Variants in ECD observed in about 807,000 individuals in gnomAD.
ECD encodes the protein ecdysoneless cell cycle regulator.
In ECD, 59 loss-of-function variants were observed where a neutral mutation model predicts 77.2. The observed-to-expected ratio is 0.76, with a 90% confidence interval of 0.62 to 0.95. The LOEUF (loss-of-function observed/expected upper bound fraction) is 0.95, where lower values mean the gene tolerates loss of function less well. ECD is among the 40% of genes least tolerant of loss of function. The pLI is 0.00. For synonymous variants in ECD, 233 were observed against 267.4 expected (o/e 0.87, Z 1.26); for missense variants, 704 against 763.4 (o/e 0.92, Z 0.92).
intron 5 of ECD, among the ~76,000 whole-genome samples, chr10:73,154,996 T>C (rs764119916): frequency 8.5e-5 from 13 of 152,212 alleles, no homozygotes; most frequent in African/African-American, 1.7e-4. Flanking sequence ...TCAGAGTTTA[T>C]TCTTCTAAAA....
At position 73,163,962 on chromosome 10, in the gene ECD, GT is replaced by G. The variant is rs770552298; in HGVS notation, c.-13-13del. ...TTCTTCTTTGAAAACTATGTTTAAA[GT>G]TCCAAAATATAAACCACATAGAACA... On this transcript the variant is annotated splice_polypyrimidine_tract_variant and intron_variant, in intron 1 of 13. Transcript: ENST00000372979. 1 of 1,609,458 alleles carries G rather than the reference GT, an allele frequency of 6.2e-7. No individual in the cohort carries two copies. Among genetic ancestry groups the G allele is most frequent in the Non-Finnish European group, 8.5e-7 (1 of 1,176,376 alleles).
Position 73,163,882 on chromosome 10 carries a change from A to C in ECD, c.56T>G (p.Phe19Cys). Residue 19 changes from phenylalanine to cysteine, a missense_variant, in exon 2 of 14, where the codon TTC (phenylalanine) becomes TGC (cysteine). Physicochemically the swap from Phe to Cys is radical, Grantham distance 205. Coordinates refer to ENST00000372979, the MANE Select transcript of ECD (RefSeq NM_007265.3). ...GTCCCTTGACTCATCTGGTATCAGG[A>C]ACAGGCAGTACTCCACTGTGTCTTC... ...TMEDTVEYCLFLIPDESRDSD... is the reference protein window; with the variant it reads ...TMEDTVEYCLCLIPDESRDSD... 6.2e-7 allele frequency: 1 copy of C among 1,614,204 alleles called. No homozygotes were observed. The highest frequency in any genetic ancestry group is 8.5e-7 in the Non-Finnish European group (1 of 1,180,028).
chr10:73,138,201 T>A, intron 11 of ECD, 131 bp from the exon 12 acceptor site: 2 of 641,296 alleles, frequency 3.1e-6, no homozygotes, highest in South Asian at 3.5e-5. Flanking sequence ...AGAAAAGTTG[T>A]AGTTTAAGTT....
intron 7 of ECD, among the ~76,000 whole-genome samples, chr10:73,150,907 A>G (rs1172078176): frequency 6.6e-6 from 1 of 152,150 alleles, no homozygotes; most frequent in Non-Finnish European, 1.5e-5. Flanking sequence ...GAGAAATAGG[A>G]ACACTTTTAC....
rs2133259958 is a variant in ECD, at chr10:73,149,856, T to G, written c.913-1452A>C. Among the ~76,000 whole-genome samples, 2 of 152,298 alleles carry G rather than the reference T, an allele frequency of 1.3e-5. 1 individual carries two copies. Among genetic ancestry groups the G allele is most frequent in the South Asian group, 4.1e-4 (2 of 4,824 alleles). ...TCTGTATATATTCTCAACAACCCAG[T>G]ATGTATTATCAAGCCGTTTGATACT... On this transcript the variant is annotated intron_variant, in intron 7 of 13. Coordinates refer to ENST00000372979, the MANE Select transcript of ECD (RefSeq NM_007265.3).
intron 9 of ECD, among the ~76,000 whole-genome samples, chr10:73,144,553 G>A (rs904653176): frequency 9.2e-5 from 14 of 152,210 alleles, no homozygotes; most frequent in South Asian, 4.1e-4. Context: ...AGCAGAGAGC[G>A]GGGGGAAAAG....
Position 73,154,384 on chromosome 10 carries a change from C to T in ECD, c.655G>A (p.Ala219Thr), listed in dbSNP as rs774282516. 1 of 1,613,960 alleles carries T rather than the reference C, an allele frequency of 6.2e-7. No homozygotes were observed. Among genetic ancestry groups the T allele is most frequent in the South Asian group, 1.1e-5 (1 of 91,066 alleles). Residue 219 changes from alanine (A) to threonine (T), a missense_variant, in exon 6 of 14, where the codon GCA (alanine) becomes ACA (threonine). By Grantham distance (58) the Ala-to-Thr change is moderately conservative. This residue lies in a region of ECD where 559 missense variants were observed against 583.7 expected (regional missense o/e 0.96). Coordinates refer to ENST00000372979, the MANE Select transcript of ECD (RefSeq NM_007265.3). ...AATCTGGGGCGCTGCTTTAGCACTG[C>T]CACAATGCCAGCTGGAAGGAAGCAG... is the stretch of plus-strand genomic sequence containing the variant. ...AHCFLPAGIV[A>T]VLKQRPRLVA...
chr10:73,160,055 T>C (rs981814715), intron 3 of ECD, among the ~76,000 whole-genome samples: 3 of 150,954 alleles, frequency 2.0e-5, no homozygotes, highest in African/African-American at 7.3e-5. Context: ...GAGGCCAAGG[T>C]GGGTGGATCA....
rs977456190 is a variant in ECD, at chr10:73,160,378, A to T, written c.323+56T>A. 1.9e-5 allele frequency: 22 copies of T among 1,161,086 alleles called. 1 individual carries two copies. The highest frequency in any genetic ancestry group is 2.3e-4 in the Middle Eastern group (1 of 4,270). The allele number at this position is 1,161,086 out of a possible 1,614,324, so 71.9% of individuals were successfully genotyped here. Reference sequence around the variant, plus strand: ...TAAATTACTAAATAGATAAAAATGTAGTCACTTTGTTTCAGTAATAGAATT... The same window carrying T: ...TAAATTACTAAATAGATAAAAATGTTGTCACTTTGTTTCAGTAATAGAATT... On this transcript the variant is annotated intron_variant, in intron 3 of 13. Transcript: ENST00000372979.
In ECD at chr10:73,156,665, G is replaced by A. The variant is rs1340919701; in HGVS notation, c.324-10C>T. ...ATCATTGTCTTCAATCCTAATGCAA[G>A]AAAATTTCCAATTTTGCATTCAAAA... is the stretch of plus-strand genomic sequence containing the variant. On this transcript the variant is annotated splice_polypyrimidine_tract_variant and intron_variant, in intron 3 of 13. Coordinates refer to ENST00000372979, the MANE Select transcript of ECD (RefSeq NM_007265.3). The A allele has an allele frequency of 6.2e-7, 1 of 1,611,806 alleles. No homozygotes were observed. The highest frequency in any genetic ancestry group is 1.7e-5 in the Admixed American group (1 of 59,872).
chr10:73,165,703 C>T (rs955092316), intron 1 of ECD, among the ~76,000 whole-genome samples: 7 of 151,748 alleles, frequency 4.6e-5, no homozygotes, highest in Non-Finnish European at 1.0e-4. Context: ...GTATACAATG[C>T]ATAATAAGCA....
Position 73,154,342 on chromosome 10 carries a change from G to T in ECD, c.697C>A (p.Gln233Lys), listed in dbSNP as rs750770644. Reference sequence around the variant, plus strand: ...ATAGGGTCTCGTAGGTAAAATGCCTGGACTGCTGCAGCCACCAATCTGGGG... The same window carrying T: ...ATAGGGTCTCGTAGGTAAAATGCCTTGACTGCTGCAGCCACCAATCTGGGG... ...QRPRLVAAAV[Q>K]AFYLRDPIDL... Residue 233 changes from glutamine to lysine, a missense_variant, in exon 6 of 14, where the codon CAG becomes AAG. This residue lies in a region of ECD where 559 missense variants were observed against 583.7 expected (regional missense o/e 0.96). Transcript: ENST00000372979. 6.2e-6 allele frequency: 10 copies of T among 1,613,974 alleles called. No individual in the cohort carries two copies. In the Middle Eastern group the frequency reaches 4.9e-4, roughly 80 times the overall value.
At position 73,151,277 on chromosome 10, in the gene ECD, C is replaced by CA. The variant is rs1233817579; in HGVS notation, c.912+1015dup. On this transcript the variant is annotated intron_variant, in intron 7 of 13. Transcript: ENST00000372979. Reference sequence around the variant, plus strand: ...CACTCTCAGCAAACTATTGCAAGGACAAAAAACCAAACACCGCATGTTCTC... The same window carrying CA: ...CACTCTCAGCAAACTATTGCAAGGACAAAAAAACCAAACACCGCATGTTCTC... Among the ~76,000 whole-genome samples, 4 of 148,806 alleles carry CA rather than the reference C, an allele frequency of 2.7e-5. No homozygotes were observed. The East Asian group carries it at 6.0e-4, about 22-fold the overall frequency.
chr10:73,159,439 T>C (rs1030234111), intron 3 of ECD, among the ~76,000 whole-genome samples: 1 of 152,232 alleles, frequency 6.6e-6, no homozygotes, highest in African/African-American at 2.4e-5. Context: ...TGTGTATGAA[T>C]GGAATTTTAT....
chr10:73,157,855 A>G (rs77838281), intron 3 of ECD, among the ~76,000 whole-genome samples: 15,932 of 152,112 alleles, frequency 0.1, 1,227 homozygotes, highest in East Asian at 0.3. Flanking sequence ...AACTATAGAA[A>G]TATATACTTG....
At chr10:73,152,200 G>A in intron 7 of ECD, 93 bp downstream of exon 7, 12 of 1,413,672 alleles carry the variant, frequency 8.5e-6, no homozygotes, top group Non-Finnish European at 1.2e-5. Context: ...ACATAAACAG[G>A]GTGTATTTCT....
chr10:73,153,756 A>G (rs1356729478), intron 6 of ECD, among the ~76,000 whole-genome samples: 1 of 150,952 alleles, frequency 6.6e-6, no homozygotes, highest in African/African-American at 2.4e-5. Context: ...AAAAGGAAAT[A>G]ATTATAGAAA....
intron 2 of ECD, among the ~76,000 whole-genome samples, chr10:73,162,486 A>G (rs774559345): frequency 6.6e-6 from 1 of 152,260 alleles, no homozygotes; most frequent in Non-Finnish European, 1.5e-5. Context: ...TGCTACACCA[A>G]TGTGACAGTG....
chr10:73,136,275 T>G (rs984391469), intron 13 of ECD, among the ~76,000 whole-genome samples: 17 of 152,340 alleles, frequency 1.1e-4, no homozygotes, highest in African/African-American at 4.1e-4. Context: ...TTTGAATGTT[T>G]AAGATCCTGT....
Sources: allele counts gnomAD v4.1 joint callset (sites outside exome capture counted in the v4.1 genomes callset), GRCh38; gene constraint gnomAD v4.1.1; regional missense constraint gnomAD v4.1.1; transcripts MANE v1.5; gene names NCBI Gene and HGNC (gene_info 2026-07-23, HGNC 2026-07-21).